The following CETN3 variants were observed in gnomAD, a reference collection of about 807,000 sequenced individuals.
CETN3 encodes centrin-3.
CETN3 carries 17 observed loss-of-function variants against 20.1 expected under a neutral mutation model. The ratio of observed to expected loss-of-function variants is 0.85; its 90% confidence interval spans 0.58 to 1.27. The LOEUF is 1.27. CETN3 is among the 50% of genes most tolerant of loss of function. The pLI is 0.00. For synonymous variants in CETN3, 52 were observed against 59.7 expected (o/e 0.87, Z 0.59); for missense variants, 169 against 191.2 (o/e 0.88, Z 0.69).
At chr5:90,407,357 AAGAAAC>A (rs1379789076) in intron 2 of CETN3, among the ~76,000 whole-genome samples, 2 of 152,158 alleles carry the variant, frequency 1.3e-5, no homozygotes, top group Non-Finnish European at 2.9e-5. Flanking sequence ...ATGAGTCACC[AAGAAAC>A]AAAAACAAAA....
chr5:90,398,359 T>A (rs1224645344), intron 4 of CETN3, among the ~76,000 whole-genome samples: 1 of 152,276 alleles, frequency 6.6e-6, no homozygotes, highest in African/African-American at 2.4e-5. Flanking sequence ...ATTAAGTGTA[T>A]GAAAGTATCA....
intron 3 of CETN3, among the ~76,000 whole-genome samples, chr5:90,403,875 G>GAAAAAAAAAAAA: frequency 1.2e-5 from 1 of 86,734 alleles, no homozygotes; most frequent in Middle Eastern, 0.01. Flanking sequence ...TGTCTCAAAA[G>GAAAAAAAAAAAA]AAAAAAAAAA....
chr5:90,405,698 A>G lies in CETN3; in HGVS notation c.255T>C (p.Asp85=), dbSNP rs767844304. 22 of 1,602,220 alleles carry G rather than the reference A, an allele frequency of 1.4e-5. No homozygotes were observed. The South Asian group carries it at 2.4e-4, about 18-fold the overall frequency. The change falls in exon 3 of 5, where the codon GAT becomes GAC. Residue 85 remains aspartate (D), a synonymous_variant. Coordinates refer to ENST00000283122, the MANE Select transcript of CETN3 (RefSeq NM_004365.4). The part of the protein sequence containing the change: ...REATGKITFE[D]FNEVVTDWIL... ...TAAAATACACACCAACTTCATTAAA[A>G]TCTTCAAAGGTGATTTTCCCTGTGG...
chr5:90,394,106 T>C lies in CETN3; in HGVS notation c.462A>G (p.Ile154Met). Residue 154 changes from isoleucine (I) to methionine (M), a missense_variant and splice_region_variant, in exon 5 of 5, where the codon ATA (isoleucine) becomes ATG (methionine). Coordinates refer to ENST00000283122, the MANE Select transcript of CETN3 (RefSeq NM_004365.4). ...EEFDKDGDGE[I>M]NQEEFIAIMT... ...TAATAGCAATGAACTCCTCTTGGTT[T>C]ACTGTGGTAAGAAAGAAAATGAAAT... 1 of 1,545,410 alleles carries C rather than the reference T, an allele frequency of 6.5e-7. No individual in the cohort carries two copies. Among genetic ancestry groups the C allele is most frequent in the African/African-American group, 1.4e-5 (1 of 73,108 alleles).
intron 4 of CETN3, among the ~76,000 whole-genome samples, chr5:90,396,988 A>G (rs940503660): frequency 1.3e-5 from 2 of 152,154 alleles, no homozygotes; most frequent in East Asian, 3.8e-4. Flanking sequence ...ATTAGGTATT[A>G]TAAGTAATCT....
At chr5:90,397,659 C>T (rs1186123375) in intron 4 of CETN3, among the ~76,000 whole-genome samples, 2 of 152,092 alleles carry the variant, frequency 1.3e-5, no homozygotes, top group African/African-American at 4.8e-5. Context: ...ACATAGAAGT[C>T]TAGTTAATAT....
intron 3 of CETN3, among the ~76,000 whole-genome samples, chr5:90,402,732 A>C (rs1749330248): frequency 6.6e-6 from 1 of 152,222 alleles, no homozygotes; most frequent in Non-Finnish European, 1.5e-5. Flanking sequence ...GGTGGTGTAC[A>C]AGCAGCAGCT....
intron 4 of CETN3, among the ~76,000 whole-genome samples, chr5:90,397,375 T>C (rs1749159004): frequency 6.6e-6 from 1 of 152,162 alleles, no homozygotes; most frequent in African/African-American, 2.4e-5. Context: ...AAATAAGCTT[T>C]GGTAAAACAT....
intron 3 of CETN3, among the ~76,000 whole-genome samples, chr5:90,400,516 C>A (rs746980356): frequency 3.4e-5 from 5 of 146,966 alleles, no homozygotes; most frequent in Non-Finnish European, 7.5e-5. Context: ...TCTGCCACTA[C>A]AAGAAAAGGT....
At chr5:90,394,911 A>C (rs975444763) in intron 4 of CETN3, among the ~76,000 whole-genome samples, 8 of 152,208 alleles carry the variant, frequency 5.3e-5, no homozygotes, top group Non-Finnish European at 1.0e-4. Flanking sequence ...ATGCGCACGT[A>C]TCAATTAAGA....
chr5:90,395,071 C>T (rs1749106934), intron 4 of CETN3, among the ~76,000 whole-genome samples: 1 of 152,142 alleles, frequency 6.6e-6, no homozygotes, highest in Non-Finnish European at 1.5e-5. Flanking sequence ...CTAGTCACAG[C>T]TCTGCACAGA....
chr5:90,396,359 T>C, intron 4 of CETN3: 3 of 1,350,408 alleles, frequency 2.2e-6, no homozygotes, highest in South Asian at 4.1e-5. Context: ...ATCTTACAAA[T>C]TGATGTAGTG....
intron 2 of CETN3, among the ~76,000 whole-genome samples, chr5:90,406,133 G>A (rs192638643): frequency 5.7e-4 from 86 of 152,106 alleles, no homozygotes; most frequent in Non-Finnish European, 1.1e-3. Flanking sequence ...ATGAGAAAAA[G>A]GCGTGGCATA....
chr5:90,396,031 T>G (rs2151881703), intron 4 of CETN3: 3 of 901,058 alleles, frequency 3.3e-6, no homozygotes, highest in Middle Eastern at 1.2e-3. Flanking sequence ...AAAAAATCCT[T>G]CACAATGGTA....
chr5:90,396,222 T>C (rs1323944235), intron 4 of CETN3: 9 of 985,000 alleles, frequency 9.1e-6, no homozygotes, highest in African/African-American at 1.8e-5. Context: ...TTAGGAAAAA[T>C]GCACCCTCCA....
intron 3 of CETN3, among the ~76,000 whole-genome samples, chr5:90,401,570 A>G (rs899459553): frequency 3.3e-5 from 5 of 151,892 alleles, no homozygotes; most frequent in Non-Finnish European, 7.3e-5. Flanking sequence ...AAAACATCAC[A>G]TCAAAAGTAA....
At chr5:90,409,557 T>TA (rs1344004745) in intron 1 of CETN3, 88 bp downstream of exon 1, 1 of 1,512,258 alleles carries the variant, frequency 6.6e-7, no homozygotes, top group African/African-American at 1.4e-5. Context: ...CTGCCTCGCC[T>TA]CGGCCCCAAA....
intron 4 of CETN3, among the ~76,000 whole-genome samples, chr5:90,394,516 T>C (rs1446358405): frequency 1.3e-5 from 2 of 151,954 alleles, no homozygotes; most frequent in Non-Finnish European, 2.9e-5. Context: ...CAAGTAAGCT[T>C]GAACATATCA....
At chr5:90,404,133 C>T (rs1459373662) in intron 3 of CETN3, among the ~76,000 whole-genome samples, 4 of 152,024 alleles carry the variant, frequency 2.6e-5, no homozygotes, top group Non-Finnish European at 5.9e-5. Context: ...ACATGCTAGG[C>T]CCTTTTCTAG....
Sources: gnomAD v4.1 joint callset for allele counts (sites outside exome capture counted in the v4.1 genomes callset) on GRCh38, gnomAD v4.1.1 for gene constraint, MANE v1.5 for transcripts, NCBI Gene and HGNC (gene_info 2026-07-23, HGNC 2026-07-21) for gene names.